AGBL4: variants seen among roughly 807,000 people sequenced by gnomAD.
The protein encoded by AGBL4 is AGBL carboxypeptidase 4, also known as cytosolic carboxypeptidase 6.
Under a neutral mutation model 66.4 loss-of-function variants are expected in AGBL4, and 58 were observed. The observed-to-expected ratio is 0.87, with a 90% confidence interval of 0.71 to 1.09. AGBL4 has a LOEUF of 1.09. AGBL4 is among the 50% of genes least tolerant of loss of function. AGBL4 has a pLI of 0.00. For synonymous variants in AGBL4, 234 were observed against 222.9 expected, an observed-to-expected ratio of 1.05 and a Z score of -0.44; for missense variants, 579 against 631.0, an observed-to-expected ratio of 0.92 and a Z score of 0.88.
intron 5 of AGBL4, among the ~76,000 whole-genome samples, chr1:48,966,789 C>A (rs1658460218): frequency 6.6e-6 from 1 of 151,912 alleles, no homozygotes; most frequent in Non-Finnish European, 1.5e-5. Context: ...TCCCTGGATG[C>A]TGAATGTTTA....
At chr1:49,600,917 T>C (rs1644945968) in intron 3 of AGBL4, among the ~76,000 whole-genome samples, 2 of 152,218 alleles carry the variant, frequency 1.3e-5, no homozygotes, top group South Asian at 4.1e-4. Context: ...TATGAAATTC[T>C]GGGTTGAAAA....
intron 3 of AGBL4, among the ~76,000 whole-genome samples, chr1:49,383,548 G>A (rs1285104141): frequency 2.0e-5 from 3 of 152,046 alleles, no homozygotes; most frequent in Non-Finnish European, 4.4e-5. Context: ...AATGGGGAAA[G>A]TACAGTTTCT....
At chr1:49,183,859 G>T (rs1646970565) in intron 4 of AGBL4, among the ~76,000 whole-genome samples, 1 of 152,086 alleles carries the variant, frequency 6.6e-6, no homozygotes, top group African/African-American at 2.4e-5. Context: ...ACCACTCCAT[G>T]TGGTCACTGG....
chr1:49,141,852 G>A (rs970558719), intron 4 of AGBL4, among the ~76,000 whole-genome samples: 5 of 152,140 alleles, frequency 3.3e-5, no homozygotes, highest in Non-Finnish European at 7.4e-5. Context: ...GAGGGCTATA[G>A]AACACTACAA....
chr1:49,656,982 A>T (rs893102957), intron 3 of AGBL4, among the ~76,000 whole-genome samples: 1 of 152,224 alleles, frequency 6.6e-6, no homozygotes, highest in Non-Finnish European at 1.5e-5. Flanking sequence ...CTCCTATTCA[A>T]CATAGTGTTG....
chr1:49,648,671 C>T (rs1645940330), intron 3 of AGBL4, among the ~76,000 whole-genome samples: 1 of 151,874 alleles, frequency 6.6e-6, no homozygotes, highest in Admixed American at 6.6e-5. Context: ...CAACCAACTT[C>T]TCTCCAGAAA....
intron 3 of AGBL4, among the ~76,000 whole-genome samples, chr1:49,415,592 G>T (rs777726066): frequency 2.0e-5 from 3 of 152,038 alleles, no homozygotes; most frequent in Non-Finnish European, 4.4e-5. Context: ...AGAAAGGTAG[G>T]TTCTAAAGAA....
At chr1:49,650,705 A>G (rs1645985785) in intron 3 of AGBL4, among the ~76,000 whole-genome samples, 1 of 152,220 alleles carries the variant, frequency 6.6e-6, no homozygotes, top group African/African-American at 2.4e-5. Context: ...GATCCCTTCA[A>G]CATGGGCTGC....
chr1:49,024,756 C>T (rs1079130), intron 5 of AGBL4, among the ~76,000 whole-genome samples: 84,208 of 151,934 alleles, frequency 0.55, 23,874 homozygotes, highest in Non-Finnish European at 0.61. Flanking sequence ...ATTACAAATG[C>T]GTTATATCCA....
chr1:49,292,520 A>G (rs779395266), intron 3 of AGBL4, among the ~76,000 whole-genome samples: 5 of 152,196 alleles, frequency 3.3e-5, no homozygotes, highest in Admixed American at 6.5e-5. Context: ...GGCCCATAAA[A>G]GCCCTGGACT....
At chr1:49,343,225 T>G (rs571317112) in intron 3 of AGBL4, among the ~76,000 whole-genome samples, 34 of 151,960 alleles carry the variant, frequency 2.2e-4, no homozygotes, top group African/African-American at 8.2e-4. Context: ...TTGGGAGAAA[T>G]AGAGAAGGTG....
chr1:48,556,158 C>T (rs1644318129), intron 11 of AGBL4, among the ~76,000 whole-genome samples: 2 of 152,162 alleles, frequency 1.3e-5, no homozygotes, highest in Admixed American at 1.3e-4. Flanking sequence ...TTGGACATAT[C>T]AAGCAAAGCT....
At chr1:48,549,480 G>C (rs926664010) in intron 11 of AGBL4, among the ~76,000 whole-genome samples, 1 of 152,148 alleles carries the variant, frequency 6.6e-6, no homozygotes, top group Non-Finnish European at 1.5e-5. Flanking sequence ...GAGGGAGAGG[G>C]AGAGGGAGAA....
intron 4 of AGBL4, among the ~76,000 whole-genome samples, chr1:49,197,865 G>A (rs1647355632): frequency 6.6e-6 from 1 of 152,108 alleles, no homozygotes; most frequent in African/African-American, 2.4e-5. Flanking sequence ...TCTGGCTGTG[G>A]GAGCCCCTCC....
At chr1:49,993,646 G>C (rs986727334) in intron 1 of AGBL4, among the ~76,000 whole-genome samples, 1 of 152,132 alleles carries the variant, frequency 6.6e-6, no homozygotes, top group African/African-American at 2.4e-5. Context: ...CTAATATCAT[G>C]AGAAGTAACG....
intron 5 of AGBL4, among the ~76,000 whole-genome samples, chr1:48,887,247 CT>C (rs1444409821): frequency 6.6e-6 from 1 of 151,998 alleles, no homozygotes; most frequent in Non-Finnish European, 1.5e-5. Context: ...GGTGGTCTTG[CT>C]AAGGGCATAC....
At chr1:49,919,447 GACAA>G (rs759842604) in intron 1 of AGBL4, among the ~76,000 whole-genome samples, 2 of 152,170 alleles carry the variant, frequency 1.3e-5, no homozygotes, top group East Asian at 1.9e-4. Flanking sequence ...ACCAATAACA[GACAA>G]ACAGAGAGCC....
intron 2 of AGBL4, among the ~76,000 whole-genome samples, chr1:49,841,460 C>T (rs1040506107): frequency 2.6e-5 from 4 of 152,022 alleles, no homozygotes; most frequent in Admixed American, 2.0e-4. Flanking sequence ...AACCAAATTA[C>T]CAACATCATT....
At chr1:48,552,528 AC>A (rs1312693836) in intron 11 of AGBL4, among the ~76,000 whole-genome samples, 1 of 152,330 alleles carries the variant, frequency 6.6e-6, no homozygotes, top group African/African-American at 2.4e-5. Flanking sequence ...GGTACTATTG[AC>A]ATGTTTGGCT....
Sources: gnomAD v4.1 joint callset for allele counts (sites outside exome capture counted in the v4.1 genomes callset) on GRCh38, gnomAD v4.1.1 for gene constraint, MANE v1.5 for transcripts, NCBI Gene and HGNC (gene_info 2026-07-23, HGNC 2026-07-21) for gene names.